Variants in MGAT5 observed in about 807,000 individuals in gnomAD.
MGAT5 encodes the protein alpha-1,6-mannosylglycoprotein 6-beta-N-acetylglucosaminyltransferase.
MGAT5 carries 30 observed loss-of-function variants against 94.3 expected under a neutral mutation model. The ratio of observed to expected loss-of-function variants is 0.32; its 90% confidence interval spans 0.24 to 0.43. MGAT5 has a LOEUF of 0.43. MGAT5 is among the 20% of genes least tolerant of loss of function. The pLI is 1.00. For synonymous variants in MGAT5, 310 were observed against 322.9 expected, an observed-to-expected ratio of 0.96 and a Z score of 0.43; for missense variants, 691 against 905.5, an observed-to-expected ratio of 0.76 and a Z score of 3.04.
intron 10 of MGAT5, among the ~76,000 whole-genome samples, chr2:134,392,719 A>G (rs1478324658): frequency 6.6e-6 from 1 of 152,242 alleles, no homozygotes; most frequent in South Asian, 2.1e-4. Context: ...ATGGGTATTA[A>G]TGCATATGGC....
intron 10 of MGAT5, among the ~76,000 whole-genome samples, chr2:134,369,701 G>A (rs1462056053): frequency 6.9e-6 from 1 of 143,972 alleles, no homozygotes; most frequent in East Asian, 2.0e-4. Flanking sequence ...TGTCTTGGGT[G>A]TGGTGATAGC....
At chr2:134,354,166 A>G (rs1284419592) in intron 9 of MGAT5, among the ~76,000 whole-genome samples, 3 of 152,230 alleles carry the variant, frequency 2.0e-5, no homozygotes, top group African/African-American at 4.8e-5. Context: ...AGTGCTTAAT[A>G]TATGAGCTGG....
intron 12 of MGAT5, among the ~76,000 whole-genome samples, chr2:134,418,290 T>C (rs957120199): frequency 1.8e-4 from 28 of 152,212 alleles, no homozygotes; most frequent in African/African-American, 6.8e-4. Flanking sequence ...AAGAAGAGAA[T>C]AGGCATTGGA....
intron 9 of MGAT5, 57 bp downstream of exon 9, chr2:134,349,995 A>G (rs1679266295): frequency 1.9e-6 from 3 of 1,593,644 alleles, no homozygotes; most frequent in Admixed American, 3.4e-5. Context: ...TAGATGGGAA[A>G]ATTAGCCGCC....
intron 1 of MGAT5, among the ~76,000 whole-genome samples, chr2:134,188,431 A>G (rs1254758921): frequency 6.6e-6 from 1 of 152,268 alleles, no homozygotes; most frequent in Non-Finnish European, 1.5e-5. Context: ...CTCATCTGCA[A>G]AGTGGGAATG....
chr2:134,179,636 C>G (rs1298585219), intron 1 of MGAT5, among the ~76,000 whole-genome samples: 2 of 152,164 alleles, frequency 1.3e-5, no homozygotes, highest in Non-Finnish European at 2.9e-5. Context: ...GGATCGGAAC[C>G]CAGGCAGTCT....
intron 1 of MGAT5, among the ~76,000 whole-genome samples, chr2:134,172,715 T>G (rs2105125115): frequency 6.6e-6 from 1 of 152,304 alleles, no homozygotes; most frequent in South Asian, 2.1e-4. Flanking sequence ...ATCTGAATTG[T>G]TTGTAGCACT....
rs1251892780 is a variant in MGAT5 at position 134,342,167 on chromosome 2, G to A, written c.977+408G>A. ...CAGGTTCCTGTTTGTAATTCAATTT[G>A]GATAGAATAAATTTCCTGAAAGCCC... is the stretch of plus-strand genomic sequence containing the variant. On this transcript the variant is annotated intron_variant, in intron 7 of 15. Transcript: ENST00000281923. Among the ~76,000 whole-genome samples the A allele has an allele frequency of 4.6e-5, 7 of 152,102 alleles. 1 individual carries two copies. The highest frequency in any genetic ancestry group is 4.6e-4 in the Admixed American group (7 of 15,270).
Position 134,270,544 on chromosome 2 carries a change from G to A in MGAT5, c.400G>A (p.Val134Met), listed in dbSNP as rs774597133. ...PSLVALEKIN[V>M]ADIINGAQEK... Reference sequence around the variant, plus strand: ...CTTGGTTGCACTTGAGAAAATTAATGTGGCAGGTAAAAATAGCAATTCTCT... The same window carrying A: ...CTTGGTTGCACTTGAGAAAATTAATATGGCAGGTAAAAATAGCAATTCTCT... The change falls in exon 2 of 16, where the codon GTG becomes ATG. Residue 134 changes from valine to methionine, a missense_variant. Around this residue, in one of 4 missense-constraint regions of MGAT5, gnomAD observed 307 missense variants for 335.4 expected, o/e 0.92. Coordinates refer to ENST00000281923, the MANE Select transcript of MGAT5 (RefSeq NM_002410.5). 3.1e-6 allele frequency: 5 copies of A among 1,614,092 alleles called. No individual in the cohort carries two copies. Among genetic ancestry groups the A allele is most frequent in the South Asian group, 1.1e-5 (1 of 91,074 alleles).
At chr2:134,189,502 C>A (rs1286156409) in intron 1 of MGAT5, among the ~76,000 whole-genome samples, 1 of 151,598 alleles carries the variant, frequency 6.6e-6, no homozygotes, top group Non-Finnish European at 1.5e-5. Flanking sequence ...GTGGGCCCAG[C>A]TCTTTTCTCA....
rs72846770 is a variant in MGAT5, at chr2:134,273,132, G to C, written c.406+2582G>C. Among the ~76,000 whole-genome samples the C allele has an allele frequency of 7.9e-4, 99 of 124,690 alleles. No individual in the cohort carries two copies. In the Middle Eastern group the frequency reaches 0.013, roughly 17 times the overall value. The allele number at this position is 124,690 out of a possible 152,430, so 81.8% of individuals were successfully genotyped here. On this transcript the variant is annotated intron_variant, in intron 2 of 15. Coordinates refer to ENST00000281923, the MANE Select transcript of MGAT5 (RefSeq NM_002410.5). Reference sequence around the variant, plus strand: ...GCCTTCTTCATTTCCCCCAGAAGGTGGGGGGGGGTCCTTTATATCTTGTCA... The same window carrying C: ...GCCTTCTTCATTTCCCCCAGAAGGTCGGGGGGGGTCCTTTATATCTTGTCA...
intron 1 of MGAT5, among the ~76,000 whole-genome samples, chr2:134,129,767 A>G (rs1686032802): frequency 3.3e-5 from 5 of 150,876 alleles, no homozygotes; most frequent in Admixed American, 3.3e-4. Flanking sequence ...GAGCCATCCT[A>G]CTGAGAGGTG....
intron 1 of MGAT5, among the ~76,000 whole-genome samples, chr2:134,138,215 C>CT (rs5834400): frequency 0.81 from 120,921 of 148,862 alleles, 49,134 homozygotes; most frequent in African/African-American, 0.87. Flanking sequence ...TATCATTGCC[C>CT]TTTTTTTTTT....
chr2:134,448,704 T>C lies in MGAT5; in HGVS notation c.2083T>C (p.Phe695Leu), dbSNP rs1270990790. 2 of 1,614,216 alleles carry C rather than the reference T, an allele frequency of 1.2e-6. No individual in the cohort carries two copies. The highest frequency in any genetic ancestry group is 1.7e-5 in the Admixed American group (1 of 60,038). ...ELAKDILVPSFDPKNKHCVFQ... is the reference protein window; with the variant it reads ...ELAKDILVPSLDPKNKHCVFQ... Reference sequence around the variant, plus strand: ...GGCCAAGGACATCCTGGTGCCCTCCTTTGACCCTAAGAATAAGCACTGTGT... The same window carrying C: ...GGCCAAGGACATCCTGGTGCCCTCCCTTGACCCTAAGAATAAGCACTGTGT... Residue 695 changes from phenylalanine to leucine, a missense_variant, in exon 16 of 16, where the codon TTT (phenylalanine) becomes CTT (leucine). Coordinates refer to ENST00000281923, the MANE Select transcript of MGAT5 (RefSeq NM_002410.5).
At chr2:134,327,770 A>G (rs1687724473) in intron 4 of MGAT5, among the ~76,000 whole-genome samples, 1 of 152,162 alleles carries the variant, frequency 6.6e-6, no homozygotes, top group Non-Finnish European at 1.5e-5. Context: ...AAGGGCTCAG[A>G]TAGACTGTTA....
intron 13 of MGAT5, among the ~76,000 whole-genome samples, chr2:134,425,187 G>A (rs988477513): frequency 7.2e-5 from 11 of 152,214 alleles, no homozygotes; most frequent in African/African-American, 2.4e-4. Context: ...AGCAGCCAGA[G>A]AAAAATGTAT....
At chr2:134,171,434 G>C (rs1688202425) in intron 1 of MGAT5, among the ~76,000 whole-genome samples, 1 of 152,194 alleles carries the variant, frequency 6.6e-6, no homozygotes, top group Non-Finnish European at 1.5e-5. Flanking sequence ...GGGACAAGAA[G>C]CAGTTTTGTG....
intron 10 of MGAT5, among the ~76,000 whole-genome samples, chr2:134,399,206 A>C (rs575570769): frequency 6.6e-6 from 1 of 152,344 alleles, no homozygotes; most frequent in African/African-American, 2.4e-5. Context: ...TCAATTTAAA[A>C]ATGTTGTAAA....
At chr2:134,375,213 G>C (rs1681088192) in intron 10 of MGAT5, among the ~76,000 whole-genome samples, 1 of 152,188 alleles carries the variant, frequency 6.6e-6, no homozygotes, top group African/African-American at 2.4e-5. Context: ...TTGAGTGAAA[G>C]AACTGAAGCA....
Sources: gnomAD v4.1 joint callset for allele counts (sites outside exome capture counted in the v4.1 genomes callset) on GRCh38, gnomAD v4.1.1 for gene constraint, gnomAD v4.1.1 regional missense constraint, MANE v1.5 for transcripts, NCBI Gene and HGNC (gene_info 2026-07-23, HGNC 2026-07-21) for gene names.